LRRC4C: variants seen among roughly 807,000 people sequenced by gnomAD.
LRRC4C encodes leucine rich repeat containing 4C, also known as leucine-rich repeat-containing protein 4C.
In LRRC4C, 5 loss-of-function variants were observed where a neutral mutation model predicts 33.6. That is an observed-to-expected ratio of 0.15 (90% CI 0.08 to 0.31). The LOEUF is 0.31. LRRC4C is among the 10% of genes least tolerant of loss of function. The pLI is 1.00. For missense variants in LRRC4C, 560 were observed against 796.7 expected, an observed-to-expected ratio of 0.70 and a Z score of 3.58; for synonymous variants, 329 against 302.0, an observed-to-expected ratio of 1.09 and a Z score of -0.93.
intron 3 of LRRC4C, among the ~76,000 whole-genome samples, chr11:40,440,969 C>T (rs1951368386): frequency 6.6e-6 from 1 of 151,926 alleles, no homozygotes; most frequent in African/African-American, 2.4e-5. Context: ...AGTTACTAAA[C>T]CCCTTACTTC....
intron 3 of LRRC4C, among the ~76,000 whole-genome samples, chr11:40,616,946 A>C (rs1395458457): frequency 6.6e-6 from 1 of 151,624 alleles, no homozygotes; most frequent in Non-Finnish European, 1.5e-5. Flanking sequence ...AAGAAAGAGA[A>C]TATCATGTTT....
At chr11:40,441,445 G>T (rs1270788063) in intron 3 of LRRC4C, among the ~76,000 whole-genome samples, 3 of 152,108 alleles carry the variant, frequency 2.0e-5, no homozygotes, top group African/African-American at 7.2e-5. Context: ...TGTGCCTGAA[G>T]GTATTTCTCT....
chr11:40,317,076 G>A (rs1945610563), intron 4 of LRRC4C, among the ~76,000 whole-genome samples: 1 of 151,786 alleles, frequency 6.6e-6, no homozygotes, highest in Admixed American at 6.6e-5. Flanking sequence ...CCATTTAATA[G>A]TTTATTCAAC....
At chr11:41,259,268 G>A (rs1049636911) in intron 1 of LRRC4C, among the ~76,000 whole-genome samples, 3 of 151,914 alleles carry the variant, frequency 2.0e-5, no homozygotes, top group Admixed American at 6.6e-5. Context: ...CTCTCTTCTA[G>A]TATTTTGTGT....
At chr11:41,043,068 C>CTTTTTTTTTTTTT (rs67605827) in intron 1 of LRRC4C, among the ~76,000 whole-genome samples, 2 of 75,796 alleles carry the variant, frequency 2.6e-5, no homozygotes, top group African/African-American at 5.1e-5. Context: ...CAGAATAGAC[C>CTTTTTTTTTTTTT]TTTTTTTTTT....
intron 5 of LRRC4C, among the ~76,000 whole-genome samples, chr11:40,164,145 C>T (rs1484515930): frequency 6.6e-6 from 1 of 152,126 alleles, no homozygotes; most frequent in Non-Finnish European, 1.5e-5. Flanking sequence ...AAAGCTAGGA[C>T]CTCAGTCTTA....
At chr11:40,669,195 A>C (rs762631736) in intron 2 of LRRC4C, among the ~76,000 whole-genome samples, 1 of 152,220 alleles carries the variant, frequency 6.6e-6, no homozygotes. Context: ...CCATGCCCAT[A>C]TCGAATTCAC....
intron 6 of LRRC4C, among the ~76,000 whole-genome samples, chr11:40,121,002 C>T (rs1855782714): frequency 6.6e-6 from 1 of 152,088 alleles, no homozygotes; most frequent in South Asian, 2.1e-4. Context: ...TGTAAAGTTA[C>T]TGACTCATAA....
At chr11:40,485,394 T>A (rs548409879) in intron 3 of LRRC4C, among the ~76,000 whole-genome samples, 1 of 151,928 alleles carries the variant, frequency 6.6e-6, no homozygotes, top group African/African-American at 2.4e-5. Flanking sequence ...TTTCATATAT[T>A]AGAGTTACAT....
chr11:40,466,583 G>A (rs900282279), intron 3 of LRRC4C, among the ~76,000 whole-genome samples: 3 of 151,180 alleles, frequency 2.0e-5, no homozygotes, highest in Non-Finnish European at 4.4e-5. Flanking sequence ...GAATTTTTTT[G>A]TATTTATATT....
At chr11:41,225,299 A>G (rs1183884946) in intron 1 of LRRC4C, among the ~76,000 whole-genome samples, 1 of 152,148 alleles carries the variant, frequency 6.6e-6, no homozygotes, top group Non-Finnish European at 1.5e-5. Context: ...AGAGTTACAA[A>G]CTGGATTGTT....
chr11:40,855,667 GTA>G (rs1293542131), intron 2 of LRRC4C, among the ~76,000 whole-genome samples: 1 of 152,138 alleles, frequency 6.6e-6, no homozygotes, highest in Non-Finnish European at 1.5e-5. Context: ...ACGTCAGGCT[GTA>G]TGTTTTTCAA....
chr11:40,904,594 C>T (rs1956340304), intron 2 of LRRC4C, among the ~76,000 whole-genome samples: 1 of 152,042 alleles, frequency 6.6e-6, no homozygotes, highest in Non-Finnish European at 1.5e-5. Context: ...GGGGGAGTGG[C>T]AAGTTGGTGA....
At chr11:40,384,190 T>C (rs2137382981) in intron 3 of LRRC4C, among the ~76,000 whole-genome samples, 1 of 152,170 alleles carries the variant, frequency 6.6e-6, no homozygotes, top group South Asian at 2.1e-4. Context: ...TTTAGAATCG[T>C]CACAGGGGAA....
chr11:40,667,193 A>G (rs1943856706), intron 2 of LRRC4C, among the ~76,000 whole-genome samples: 1 of 152,214 alleles, frequency 6.6e-6, no homozygotes, highest in Admixed American at 6.5e-5. Context: ...AACTTTACCT[A>G]TATGATAAGG....
At chr11:40,228,768 C>T (rs1045894284) in intron 5 of LRRC4C, among the ~76,000 whole-genome samples, 1 of 152,216 alleles carries the variant, frequency 6.6e-6, no homozygotes, top group African/African-American at 2.4e-5. Context: ...TTTCTTCTCT[C>T]ATTTGGTAAA....
chr11:41,096,397 TC>T (rs1940811838), intron 1 of LRRC4C, among the ~76,000 whole-genome samples: 1 of 152,052 alleles, frequency 6.6e-6, no homozygotes, highest in African/African-American at 2.4e-5. Flanking sequence ...GACACAAAGA[TC>T]ACTTCAGAGC....
chr11:40,919,761 T>G (rs191329386), intron 2 of LRRC4C, among the ~76,000 whole-genome samples: 15 of 152,316 alleles, frequency 9.8e-5, no homozygotes, highest in Admixed American at 9.2e-4. Flanking sequence ...GTAATAATTA[T>G]TATGAATGTA....
At chr11:40,880,077 CCA>C (rs1955092792) in intron 2 of LRRC4C, among the ~76,000 whole-genome samples, 1 of 152,088 alleles carries the variant, frequency 6.6e-6, no homozygotes, top group Non-Finnish European at 1.5e-5. Flanking sequence ...AAACCAGCTG[CCA>C]TGCTGTGAGA....
Sources: gnomAD v4.1 joint callset for allele counts (sites outside exome capture counted in the v4.1 genomes callset) on GRCh38, gnomAD v4.1.1 for gene constraint, MANE v1.5 for transcripts, NCBI Gene and HGNC (gene_info 2026-07-23, HGNC 2026-07-21) for gene names.